KATNIP: variants seen among roughly 807,000 people sequenced by gnomAD.
The protein encoded by KATNIP is katanin-interacting protein.
KATNIP carries 126 observed loss-of-function variants against 174.0 expected under a neutral mutation model. The ratio of observed to expected loss-of-function variants is 0.72; its 90% confidence interval spans 0.63 to 0.84. The LOEUF is 0.84. KATNIP is among the 40% of genes least tolerant of loss of function. The pLI is 0.00. For synonymous variants in KATNIP, 810 were observed against 835.7 expected (o/e 0.97, Z 0.53); for missense variants, 1,958 against 2,109.7 (o/e 0.93, Z 1.41).
chr16:27,714,882 T>G (rs573366198), intron 13 of KATNIP, among the ~76,000 whole-genome samples: 1 of 152,312 alleles, frequency 6.6e-6, no homozygotes, highest in South Asian at 2.1e-4. Context: ...TTCCCCAAAC[T>G]GACCTACAGA....
At chr16:27,678,044 T>G (rs370053032) in intron 7 of KATNIP, 48 bp downstream of exon 7, 1 of 1,590,802 alleles carries the variant, frequency 6.3e-7, no homozygotes, top group African/African-American at 1.3e-5. Context: ...TGTCTCTGCA[T>G]CTAATAGCAG....
Position 27,699,605 on chromosome 16 carries a change from T to G in KATNIP, c.1179+6T>G, listed in dbSNP as rs781397023. The G allele has an allele frequency of 6.8e-6, 11 of 1,614,086 alleles. No homozygotes were observed. In the South Asian group the frequency reaches 1.1e-4, roughly 16 times the overall value. On this transcript the variant is annotated splice_donor_region_variant and intron_variant, in intron 10 of 27. Transcript: ENST00000261588. ...AGAAGGAAGAGACCCTTGAGGTCAG[T>G]GCTAGGCAGAGATGAATGACAAAGC... is the stretch of plus-strand genomic sequence containing the variant.
intron 14 of KATNIP, among the ~76,000 whole-genome samples, chr16:27,723,836 T>G (rs1186972462): frequency 6.8e-6 from 1 of 146,978 alleles, no homozygotes; most frequent in African/African-American, 2.5e-5. Flanking sequence ...CCATCCTCCC[T>G]TCCTGAGCTG....
At chr16:27,722,336 G>C (rs12102795) in intron 14 of KATNIP, 25,911 of 152,196 alleles carry the variant, frequency 0.17, 2,427 homozygotes, top group African/African-American at 0.24. Flanking sequence ...GGAAAAAGGA[G>C]TTAGATCTGT....
At chr16:27,696,306 TA>T (rs1401803688) in intron 8 of KATNIP, among the ~76,000 whole-genome samples, 2 of 152,262 alleles carry the variant, frequency 1.3e-5, no homozygotes, top group African/African-American at 4.8e-5. Flanking sequence ...ATTTTTTAAA[TA>T]AGTTTTTGTT....
At chr16:27,766,669 G>A (rs2082136877) in intron 20 of KATNIP, among the ~76,000 whole-genome samples, 195 bp downstream of exon 20, 1 of 152,212 alleles carries the variant, frequency 6.6e-6, no homozygotes, top group Non-Finnish European at 1.5e-5. Flanking sequence ...AGAGCGCAGG[G>A]CATTTCCAGG....
intron 5 of KATNIP, among the ~76,000 whole-genome samples, chr16:27,647,861 G>A (rs2077004765): frequency 6.6e-6 from 1 of 151,960 alleles, no homozygotes; most frequent in Non-Finnish European, 1.5e-5. Context: ...ATGTTGCCTA[G>A]GCTGGGCTCC....
chr16:27,689,409 TA>T (rs76417958), intron 8 of KATNIP, among the ~76,000 whole-genome samples: 438 of 139,942 alleles, frequency 3.1e-3, no homozygotes, highest in Non-Finnish European at 2.9e-3. Context: ...AGACTCCGTC[TA>T]AAAAAAAAAA....
At chr16:27,591,748 C>T (rs2075174323) in intron 2 of KATNIP, among the ~76,000 whole-genome samples, 1 of 152,148 alleles carries the variant, frequency 6.6e-6, no homozygotes, top group Non-Finnish European at 1.5e-5. Context: ...CTCACGCACT[C>T]ATTTTGTGCC....
At chr16:27,627,059 TG>T (rs2076355994) in intron 3 of KATNIP, among the ~76,000 whole-genome samples, 1 of 152,180 alleles carries the variant, frequency 6.6e-6, no homozygotes, top group Non-Finnish European at 1.5e-5. Context: ...TTTCTGTCTG[TG>T]AATTTGTGTC....
Position 27,776,929 on chromosome 16 carries a change from T to C in KATNIP, c.4451T>C (p.Val1484Ala), listed in dbSNP as rs780716935. ...TTAATTAGTGCCGCTCTCTGACAGG[T>C]GAACCGGGTTTATGTGATTTTCGAT... is the stretch of plus-strand genomic sequence containing the variant. ...MWLAPILPGLVNRVYVIFDLP... is the reference protein window; with the variant it reads ...MWLAPILPGLANRVYVIFDLP... The change falls in exon 25 of 28, where the codon GTG becomes GCG. Residue 1484 changes from valine to alanine, a missense_variant and splice_region_variant. Transcript: ENST00000261588. This position sits in a 1 kb window ranked among gnomAD's most constrained non-coding sequence, Gnocchi z 4.7. The C allele has an allele frequency of 5.6e-6, 9 of 1,608,364 alleles. No individual in the cohort carries two copies. The South Asian group carries it at 7.7e-5, about 14-fold the overall frequency.
At chr16:27,589,131 C>A (rs954019722) in intron 2 of KATNIP, among the ~76,000 whole-genome samples, 5 of 151,842 alleles carry the variant, frequency 3.3e-5, no homozygotes, top group Middle Eastern at 3.4e-3. Context: ...GTTTCAAACT[C>A]CCCGCCTCAA....
chr16:27,767,790 G>A (rs1017541116), intron 20 of KATNIP, among the ~76,000 whole-genome samples: 3 of 152,180 alleles, frequency 2.0e-5, no homozygotes, highest in Non-Finnish European at 2.9e-5. Flanking sequence ...CGTGTAGCAG[G>A]AGCTTAGCCA....
intron 2 of KATNIP, among the ~76,000 whole-genome samples, chr16:27,598,146 C>T (rs1043665772): frequency 6.6e-6 from 1 of 151,416 alleles, no homozygotes; most frequent in South Asian, 2.1e-4. Context: ...GAGGCTGAGG[C>T]GGAAGACTCA....
intron 15 of KATNIP, among the ~76,000 whole-genome samples, chr16:27,748,608 C>T (rs922754485): frequency 6.7e-6 from 1 of 149,184 alleles, no homozygotes; most frequent in Admixed American, 6.7e-5. Flanking sequence ...AAACAAATAG[C>T]ATTTTTTTCT....
intron 20 of KATNIP, 146 bp downstream of exon 20, chr16:27,766,620 A>T: frequency 1.2e-6 from 1 of 818,966 alleles, no homozygotes; most frequent in Non-Finnish European, 1.9e-6. Flanking sequence ...GGAGAGAGAG[A>T]GCTGCTGTTT....
chr16:27,722,778 A>G (rs147984228), intron 14 of KATNIP, among the ~76,000 whole-genome samples: 4 of 152,370 alleles, frequency 2.6e-5, no homozygotes, highest in South Asian at 2.1e-4. Context: ...GTTGCTTTGT[A>G]GAATACCAGC....
chr16:27,628,721 A>G lies in KATNIP; in HGVS notation c.201A>G (p.Gln67=). The change falls in exon 4 of 28, where the codon CAA becomes CAG. Residue 67 remains glutamine, a synonymous_variant. Transcript: ENST00000261588. ...PVQLRLEHLE[Q]GFSVYVNGAN... Reference sequence around the variant, plus strand: ...AATTGAGGCTGGAGCACTTGGAGCAAGGTTTCTCTGTCTATGTCAACGGTG... The same window carrying G: ...AATTGAGGCTGGAGCACTTGGAGCAGGGTTTCTCTGTCTATGTCAACGGTG... 6.2e-7 allele frequency: 1 copy of G among 1,614,230 alleles called. No homozygotes were observed. The highest frequency in any genetic ancestry group is 2.2e-5 in the East Asian group (1 of 44,890).
intron 17 of KATNIP, among the ~76,000 whole-genome samples, chr16:27,753,161 G>A (rs976075209): frequency 1.3e-5 from 2 of 152,064 alleles, no homozygotes; most frequent in African/African-American, 4.8e-5. Flanking sequence ...TCTAAGGAAA[G>A]CGGCCACCAA....
Sources: gnomAD v4.1 joint callset for allele counts (sites outside exome capture counted in the v4.1 genomes callset) on GRCh38, gnomAD v4.1.1 for gene constraint, Gnocchi (gnomAD v3.1) non-coding constraint, MANE v1.5 for transcripts, NCBI Gene and HGNC (gene_info 2026-07-23, HGNC 2026-07-21) for gene names.